The following ARID4B variants were observed in gnomAD, a reference collection of about 807,000 sequenced individuals.
The protein encoded by ARID4B is AT-rich interaction domain 4B.
Under a neutral mutation model 147.5 loss-of-function variants are expected in ARID4B, and 26 were observed. The ratio of observed to expected loss-of-function variants is 0.18; its 90% CI spans 0.13 to 0.24. ARID4B has a LOEUF of 0.24. Among genes scored for constraint, ARID4B ranks in the 10% least tolerant of loss-of-function variants. The pLI is 1.00. For synonymous variants in ARID4B, 512 were observed against 507.9 expected (o/e 1.01, Z -0.11); for missense variants, 1,179 against 1,511.5 (o/e 0.78, Z 3.65).
chr1:235,267,603 C>A (rs754420231), intron 2 of ARID4B, among the ~76,000 whole-genome samples: 1 of 152,068 alleles, frequency 6.6e-6, no homozygotes, highest in Admixed American at 6.5e-5. Flanking sequence ...GAGGCCGAGG[C>A]GGGTGGATCA....
intron 17 of ARID4B, among the ~76,000 whole-genome samples, chr1:235,201,660 C>T (rs1028792124): frequency 6.6e-6 from 1 of 151,942 alleles, no homozygotes; most frequent in African/African-American, 2.4e-5. Context: ...TAAATACAAA[C>T]CTTTTGGTTT....
intron 8 of ARID4B, among the ~76,000 whole-genome samples, chr1:235,237,844 T>C (rs932194990): frequency 5.9e-5 from 9 of 152,142 alleles, no homozygotes; most frequent in Non-Finnish European, 1.3e-4. Flanking sequence ...CAAGCACAAA[T>C]TGTAGAGAAA....
At chr1:235,234,364 C>G in intron 9 of ARID4B, 49 bp downstream of exon 9, 1 of 1,171,274 alleles carries the variant, frequency 8.5e-7, no homozygotes, top group Non-Finnish European at 1.2e-6. Flanking sequence ...TTCAAAATAA[C>G]AGCATATATT....
chr1:235,294,347 C>A, intron 2 of ARID4B, among the ~76,000 whole-genome samples: 1 of 122,738 alleles, frequency 8.1e-6, no homozygotes. Flanking sequence ...GAGTCTTACT[C>A]TGTCACCCAG....
In ARID4B at chr1:235,319,336, G is replaced by A. The variant is rs185823192; in HGVS notation, c.6+7578C>T. The stretch of plus-strand genomic sequence containing the variant: ...GTTCAAGACCAGCCTGGGCAACACA[G>A]TGAGACCTCCACAGAAAATTTAAAA... On this transcript the variant is annotated intron_variant, in intron 2 of 23. Coordinates refer to ENST00000264183, the MANE Select transcript of ARID4B (RefSeq NM_016374.6). Among the ~76,000 whole-genome samples, 194 of 152,150 alleles carry A rather than the reference G, an allele frequency of 1.3e-3. 1 individual carries two copies. Among genetic ancestry groups the A allele is most frequent in the African/African-American group, 4.6e-3 (190 of 41,494 alleles).
At chr1:235,278,409 ATCCCC>A (rs1278393651) in intron 2 of ARID4B, among the ~76,000 whole-genome samples, 3 of 152,108 alleles carry the variant, frequency 2.0e-5, no homozygotes, top group African/African-American at 7.2e-5. Flanking sequence ...ATTTCATGGC[ATCCCC>A]TCCTATAAGC....
At chr1:235,259,547 C>CA (rs1411706842) in intron 3 of ARID4B, among the ~76,000 whole-genome samples, 2 of 152,108 alleles carry the variant, frequency 1.3e-5, no homozygotes, top group Non-Finnish European at 2.9e-5. Context: ...ATAGTACTGG[C>CA]AAAAAACAGT....
chr1:235,172,377 G>T (rs986817367), intron 23 of ARID4B, among the ~76,000 whole-genome samples: 3 of 152,116 alleles, frequency 2.0e-5, no homozygotes, highest in African/African-American at 7.2e-5. Context: ...AGGAGTTAGA[G>T]ACCAGCCTGA....
intron 9 of ARID4B, 91 bp downstream of exon 9, chr1:235,234,322 G>T: frequency 1.2e-6 from 1 of 817,948 alleles, no homozygotes; most frequent in Non-Finnish European, 2.0e-6. Context: ...TAAGGTAATT[G>T]GAAATAACTA....
At chr1:235,173,875 C>T (rs1177153602) in intron 22 of ARID4B, among the ~76,000 whole-genome samples, 1 of 130,726 alleles carries the variant, frequency 7.6e-6, no homozygotes, top group Admixed American at 8.5e-5. Context: ...AGATTTCTCA[C>T]ATATACAAAA....
At chr1:235,309,896 T>C (rs1293847330) in intron 2 of ARID4B, among the ~76,000 whole-genome samples, 1 of 152,194 alleles carries the variant, frequency 6.6e-6, no homozygotes, top group Non-Finnish European at 1.5e-5. Context: ...CTGTGCTCTC[T>C]GAAACATGTG....
chr1:235,280,937 T>C (rs541040780), intron 2 of ARID4B, among the ~76,000 whole-genome samples: 1 of 151,730 alleles, frequency 6.6e-6, no homozygotes, highest in East Asian at 1.9e-4. Context: ...AAAAATTAAA[T>C]CATATGTATA....
intron 2 of ARID4B, among the ~76,000 whole-genome samples, chr1:235,309,276 CG>C: frequency 1.2e-5 from 1 of 82,644 alleles, no homozygotes; most frequent in African/African-American, 4.6e-5. Context: ...CCCCTCCGCC[CG>C]GCAGCCGCCC....
intron 2 of ARID4B, among the ~76,000 whole-genome samples, chr1:235,274,796 T>A (rs1159124124): frequency 1.3e-5 from 2 of 152,196 alleles, no homozygotes; most frequent in Non-Finnish European, 2.9e-5. Flanking sequence ...GTTGACTGAT[T>A]TTTACTCCCT....
chr1:235,218,901 G>C (rs899738520), intron 16 of ARID4B, among the ~76,000 whole-genome samples: 1 of 127,966 alleles, frequency 7.8e-6, no homozygotes, highest in South Asian at 2.5e-4. Flanking sequence ...AGTCTCACTC[G>C]ATCCCCCAAG....
chr1:235,322,084 A>G (rs1234276601), intron 2 of ARID4B, among the ~76,000 whole-genome samples: 1 of 151,800 alleles, frequency 6.6e-6, no homozygotes, highest in South Asian at 2.1e-4. Context: ...GCTGGAGTGC[A>G]ATGGCATGAT....
chr1:235,200,971 G>A (rs1364621882), intron 17 of ARID4B, among the ~76,000 whole-genome samples: 3 of 151,888 alleles, frequency 2.0e-5, no homozygotes, highest in Non-Finnish European at 2.9e-5. Flanking sequence ...GTGAAACCCC[G>A]TCTCTAATAA....
chr1:235,193,108 AGC>A (rs1325017373), intron 19 of ARID4B, among the ~76,000 whole-genome samples: 1 of 151,198 alleles, frequency 6.6e-6, no homozygotes. Context: ...AAAAAAAAAA[AGC>A]AGTCAGTCCA....
chr1:235,169,290 G>T (rs537261516), intron 23 of ARID4B, among the ~76,000 whole-genome samples: 1 of 152,030 alleles, frequency 6.6e-6, no homozygotes, highest in African/African-American at 2.4e-5. Flanking sequence ...GCCCAGGCTG[G>T]AGTGCAGTGG....
Sources: gnomAD v4.1 joint callset for allele counts (sites outside exome capture counted in the v4.1 genomes callset) on GRCh38, gnomAD v4.1.1 for gene constraint, MANE v1.5 for transcripts, NCBI Gene and HGNC (gene_info 2026-07-23, HGNC 2026-07-21) for gene names.